PPARGC1A: variants seen among roughly 807,000 people sequenced by gnomAD.
PPARGC1A encodes the protein peroxisome proliferator-activated receptor gamma coactivator 1-alpha.
Under a neutral mutation model 88.7 loss-of-function variants are expected in PPARGC1A, and 25 were observed. The observed-to-expected ratio is 0.28, with a 90% CI of 0.21 to 0.39. PPARGC1A has a LOEUF of 0.39. Ranked by LOEUF, PPARGC1A falls within the 10% of genes least tolerant of loss-of-function variation. The pLI is 1.00. For synonymous variants in PPARGC1A, 363 were observed against 355.6 expected (o/e 1.02, Z -0.24); for missense variants, 880 against 968.7 (o/e 0.91, Z 1.22).
the PPARGC1A span, among the ~76,000 whole-genome samples, chr4:24,135,052 G>A: frequency 6.6e-6 from 1 of 152,164 alleles, no homozygotes; most frequent in Non-Finnish European, 1.5e-5. Context: ...GCTACCATGT[G>A]TCACTCCAGA....
chr4:24,145,598 G>T, the PPARGC1A span, among the ~76,000 whole-genome samples: 1 of 152,154 alleles, frequency 6.6e-6, no homozygotes, highest in South Asian at 2.1e-4. Flanking sequence ...GTCCTTCCCA[G>T]CTTGGGTAAT....
chr4:24,280,977 A>T, the PPARGC1A span, among the ~76,000 whole-genome samples: 1 of 152,238 alleles, frequency 6.6e-6, no homozygotes, highest in Admixed American at 6.5e-5. Flanking sequence ...GAAGCCCAGC[A>T]TGTTTCATCA....
chr4:24,057,774 T>A, the PPARGC1A span, among the ~76,000 whole-genome samples: 1 of 152,184 alleles, frequency 6.6e-6, no homozygotes, highest in Admixed American at 6.5e-5. Flanking sequence ...ATGAGCCTCT[T>A]TGGAAGCTCA....
At chr4:23,910,427 T>TTA in the PPARGC1A span, among the ~76,000 whole-genome samples, 7 of 119,642 alleles carry the variant, frequency 5.9e-5, no homozygotes, top group Admixed American at 4.9e-4. Context: ...ATATTATTAA[T>TTA]ATAATATATA....
At chr4:23,912,624 C>T in the PPARGC1A span, among the ~76,000 whole-genome samples, 13 of 152,000 alleles carry the variant, frequency 8.6e-5, no homozygotes, top group African/African-American at 2.9e-4. Flanking sequence ...GCTGACGTTT[C>T]CTTGAGAAAG....
chr4:24,052,258 A>G, the PPARGC1A span, among the ~76,000 whole-genome samples: 5 of 152,194 alleles, frequency 3.3e-5, no homozygotes, highest in Non-Finnish European at 7.3e-5. Context: ...AGAATGAATA[A>G]ATGAATGAGT....
chr4:23,939,994 T>A, the PPARGC1A span, among the ~76,000 whole-genome samples: 5 of 152,224 alleles, frequency 3.3e-5, no homozygotes, highest in Admixed American at 2.0e-4. Flanking sequence ...CTGCAATAAC[T>A]ATGAATTTGA....
At chr4:24,329,488 C>G in the PPARGC1A span, among the ~76,000 whole-genome samples, 1 of 152,046 alleles carries the variant, frequency 6.6e-6, no homozygotes. Flanking sequence ...TTCTGACTGC[C>G]CCAATTTCCT....
At chr4:24,235,162 G>A in the PPARGC1A span, among the ~76,000 whole-genome samples, 3 of 152,180 alleles carry the variant, frequency 2.0e-5, no homozygotes, top group Non-Finnish European at 2.9e-5. Context: ...ATCCACTTAC[G>A]GATTCAGAAT....
At chr4:23,866,541 T>C (rs1712038997) in intron 2 of PPARGC1A, among the ~76,000 whole-genome samples, 1 of 152,180 alleles carries the variant, frequency 6.6e-6, no homozygotes, top group Non-Finnish European at 1.5e-5. Flanking sequence ...AAATGGTTTG[T>C]TTTAGCTATC....
intron 2 of PPARGC1A, among the ~76,000 whole-genome samples, chr4:23,848,484 G>A (rs1728694074): frequency 6.6e-6 from 1 of 152,128 alleles, no homozygotes; most frequent in Non-Finnish European, 1.5e-5. Context: ...TGAGGATAAT[G>A]TTAGCCAGCT....
At chr4:23,903,139 AC>A (rs1291721070), upstream of PPARGC1A, among the ~76,000 whole-genome samples, 5 of 152,302 alleles carry the variant, frequency 3.3e-5, no homozygotes, top group East Asian at 9.7e-4. Context: ...GATTAGATGA[AC>A]CAAGGGGTCT....
At chr4:23,868,841 G>A (rs1213444833) in intron 2 of PPARGC1A, among the ~76,000 whole-genome samples, 1 of 152,204 alleles carries the variant, frequency 6.6e-6, no homozygotes, top group African/African-American at 2.4e-5. Flanking sequence ...TGGTGTCTAT[G>A]GAAAGTTTCC....
chr4:23,944,726 T>C, the PPARGC1A span, among the ~76,000 whole-genome samples: 4 of 152,272 alleles, frequency 2.6e-5, no homozygotes, highest in East Asian at 5.8e-4. Flanking sequence ...TGAGATCTGA[T>C]GGTTTTAGAA....
intron 2 of PPARGC1A, among the ~76,000 whole-genome samples, chr4:23,832,590 ATTTCTTTTTCTT>A (rs71639813): frequency 4.8e-5 from 7 of 145,046 alleles, no homozygotes; most frequent in South Asian, 2.2e-4. Context: ...GTGCACTATT[ATTTCTTTTTCTT>A]TTTCTTTTTC....
chr4:24,145,793 C>CTA, the PPARGC1A span, among the ~76,000 whole-genome samples: 2 of 152,178 alleles, frequency 1.3e-5, no homozygotes, highest in Non-Finnish European at 2.9e-5. Context: ...CTTGTTTATA[C>CTA]TTCTGCCATC....
At chr4:24,318,762 T>C in the PPARGC1A span, among the ~76,000 whole-genome samples, 8 of 152,316 alleles carry the variant, frequency 5.3e-5, no homozygotes, top group South Asian at 1.7e-3. Context: ...GCCAACGATG[T>C]ATAATTTGGG....
At chr4:23,830,202 G>T (rs1282683456) in intron 3 of PPARGC1A, among the ~76,000 whole-genome samples, 1 of 152,006 alleles carries the variant, frequency 6.6e-6, no homozygotes, top group South Asian at 2.1e-4. Flanking sequence ...CTGATTCAAA[G>T]AATGTTTGGA....
chr4:23,977,813 C>A, the PPARGC1A span, among the ~76,000 whole-genome samples: 3 of 152,120 alleles, frequency 2.0e-5, no homozygotes, highest in Admixed American at 2.0e-4. Context: ...CCTACTTCGA[C>A]GACTAAGATG....
Sources: allele counts gnomAD v4.1 joint callset (sites outside exome capture counted in the v4.1 genomes callset), GRCh38; gene constraint gnomAD v4.1.1; transcripts MANE v1.5; gene names NCBI Gene and HGNC (gene_info 2026-07-23, HGNC 2026-07-21).